NUDCD3: variants seen among roughly 807,000 people sequenced by gnomAD.
The protein encoded by NUDCD3 is NudC domain containing 3, also known as nudC domain-containing protein 3.
In NUDCD3, 13 loss-of-function variants were observed where a neutral mutation model predicts 39.7. The observed-to-expected ratio is 0.33, with a 90% CI of 0.21 to 0.52. The LOEUF (loss-of-function observed/expected upper bound fraction) is 0.52, where lower values mean the gene tolerates loss of function less well. Ranked by LOEUF, NUDCD3 falls within the 20% of genes least tolerant of loss-of-function variation. The pLI, the probability that NUDCD3 is intolerant of heterozygous loss-of-function variation, is 0.96. For synonymous variants in NUDCD3, 175 were observed against 172.4 expected (o/e 1.02, Z -0.12); for missense variants, 453 against 458.1 (o/e 0.99, Z 0.10).
rs181092869 is a variant in NUDCD3 at position 44,412,951 on chromosome 7, A to G, written c.643-8368T>C. On this transcript the variant is annotated intron_variant, in intron 3 of 5. Transcript: ENST00000355451. ...CAAAAAAAAAAAAAAAAGAAAAAAA[A>G]AAAGAAAGAAACCATTGACCATTGG... 9.7e-3 allele frequency among the ~76,000 whole-genome samples: 1,405 copies of G among 144,228 alleles called. 21 individuals carry two copies. Among genetic ancestry groups the G allele is most frequent in the African/African-American group, 0.014 (557 of 40,132 alleles). 94.6% of individuals were successfully genotyped at this position (144,228 alleles called of 152,430 possible).
chr7:44,404,574 C>A lies in NUDCD3; in HGVS notation c.652G>T (p.Ala218Ser). ...ACACGAATGGAGCTGCTGCTAAGGG[C>A]CACTGAGACCTGGGGACACAGCAGA... ...HVVKGKQVSVALSSSSIRVAM... is the reference protein window; with the variant it reads ...HVVKGKQVSVSLSSSSIRVAM... Residue 218 changes from alanine (A) to serine (S), a missense_variant, in exon 4 of 6, where the codon GCC (alanine) becomes TCC (serine). Ala to Ser is a moderately conservative substitution (Grantham distance 99). Coordinates refer to ENST00000355451, the MANE Select transcript of NUDCD3 (RefSeq NM_015332.4). The A allele has an allele frequency of 6.2e-7, 1 of 1,613,736 alleles. No individual in the cohort carries two copies. The highest frequency in any genetic ancestry group is 8.5e-7 in the Non-Finnish European group (1 of 1,179,960).
At chr7:44,476,572 T>C (rs926112914) in intron 2 of NUDCD3, among the ~76,000 whole-genome samples, 1 of 152,212 alleles carries the variant, frequency 6.6e-6, no homozygotes. Flanking sequence ...CTTGGACTTC[T>C]AGCCTCCTAT....
intron 3 of NUDCD3, among the ~76,000 whole-genome samples, chr7:44,419,100 G>A (rs1376205030): frequency 1.3e-5 from 2 of 152,090 alleles, no homozygotes; most frequent in African/African-American, 4.8e-5. Context: ...TCACTCCCCT[G>A]GAAAGGAGGC....
At chr7:44,389,449 C>T (rs936392600) in intron 5 of NUDCD3, among the ~76,000 whole-genome samples, 2 of 152,136 alleles carry the variant, frequency 1.3e-5, no homozygotes, top group African/African-American at 2.4e-5. Context: ...GAGGCCGAGG[C>T]GGGCGGATCA....
intron 2 of NUDCD3, among the ~76,000 whole-genome samples, chr7:44,448,363 G>T (rs1263870324): frequency 6.6e-6 from 1 of 152,230 alleles, no homozygotes; most frequent in Admixed American, 6.5e-5. Flanking sequence ...CAGAGGAGAT[G>T]TGGAGAGTGA....
chr7:44,409,430 T>C (rs1798882186), intron 3 of NUDCD3, among the ~76,000 whole-genome samples: 1 of 152,168 alleles, frequency 6.6e-6, no homozygotes, highest in Non-Finnish European at 1.5e-5. Context: ...ATACAAACTT[T>C]ACAGAATTAG....
chr7:44,414,648 C>T (rs932994954), intron 3 of NUDCD3, among the ~76,000 whole-genome samples: 4 of 152,100 alleles, frequency 2.6e-5, no homozygotes, highest in Admixed American at 1.3e-4. Flanking sequence ...TGTTGTTATA[C>T]AAGTTTTTGC....
intron 3 of NUDCD3, among the ~76,000 whole-genome samples, chr7:44,424,610 A>C (rs1403473929): frequency 1.3e-5 from 2 of 152,228 alleles, no homozygotes; most frequent in Non-Finnish European, 2.9e-5. Context: ...GCCAGTTAGA[A>C]TGGCGATCAT....
chr7:44,404,820 C>T (rs561940463), intron 3 of NUDCD3, among the ~76,000 whole-genome samples: 12 of 152,292 alleles, frequency 7.9e-5, no homozygotes, highest in African/African-American at 2.4e-4. Flanking sequence ...TAACTGGTAA[C>T]GTAAAATGCT....
At chr7:44,477,275 G>C (rs1250973118) in intron 2 of NUDCD3, among the ~76,000 whole-genome samples, 3 of 152,182 alleles carry the variant, frequency 2.0e-5, no homozygotes, top group Non-Finnish European at 2.9e-5. Flanking sequence ...CACACCAACA[G>C]TGTTGGAGCA....
At chr7:44,425,261 T>G (rs985308035) in intron 3 of NUDCD3, among the ~76,000 whole-genome samples, 3 of 152,198 alleles carry the variant, frequency 2.0e-5, no homozygotes, top group Admixed American at 1.3e-4. Context: ...TAAACCTATG[T>G]AACAAACCTG....
intron 2 of NUDCD3, among the ~76,000 whole-genome samples, chr7:44,476,963 A>T (rs1176786622): frequency 6.6e-6 from 1 of 152,194 alleles, no homozygotes; most frequent in Non-Finnish European, 1.5e-5. Flanking sequence ...CCTGATGATG[A>T]TGATGAAGTA....
At chr7:44,454,113 G>A (rs369728926) in intron 2 of NUDCD3, among the ~76,000 whole-genome samples, 4 of 152,324 alleles carry the variant, frequency 2.6e-5, no homozygotes, top group African/African-American at 9.6e-5. Flanking sequence ...GCCGAGGCAG[G>A]CAGATCACGA....
rs111884465 is a variant in NUDCD3, at chr7:44,394,767, G to A, written c.787-2282C>T. Among the ~76,000 whole-genome samples, 1,279 of 152,338 alleles carry A rather than the reference G, an allele frequency of 8.4e-3. 5 individuals are homozygous for A. The highest frequency in any genetic ancestry group is 0.014 in the Non-Finnish European group (950 of 68,030). On this transcript the variant is annotated intron_variant, in intron 4 of 5. Coordinates refer to ENST00000355451, the MANE Select transcript of NUDCD3 (RefSeq NM_015332.4). ...CACTGGGGCTGACAGCCCACCATCA[G>A]CACCATGTGGGCAGGGGGTCGGCCT...
intron 3 of NUDCD3, chr7:44,425,764 G>C (rs1197734916): frequency 6.6e-6 from 1 of 152,132 alleles, no homozygotes; most frequent in Non-Finnish European, 1.5e-5. Flanking sequence ...TACTCAGGAG[G>C]CTAAGGTGGG....
chr7:44,414,904 C>A (rs974932657), intron 3 of NUDCD3, among the ~76,000 whole-genome samples: 1 of 152,138 alleles, frequency 6.6e-6, no homozygotes, highest in African/African-American at 2.4e-5. Flanking sequence ...AATGACACAC[C>A]TAGTGGCTAA....
At chr7:44,396,416 A>G (rs1798625323) in intron 4 of NUDCD3, among the ~76,000 whole-genome samples, 1 of 152,228 alleles carries the variant, frequency 6.6e-6, no homozygotes, top group African/African-American at 2.4e-5. Flanking sequence ...GGATGAGCAT[A>G]TTAGTAAAAA....
At chr7:44,414,217 G>A (rs1798980467) in intron 3 of NUDCD3, among the ~76,000 whole-genome samples, 1 of 152,164 alleles carries the variant, frequency 6.6e-6, no homozygotes, top group African/African-American at 2.4e-5. Flanking sequence ...ATTAACAAGA[G>A]GGTGGTTTAA....
In NUDCD3 at chr7:44,465,792, C is replaced by T. The variant is rs185907777; in HGVS notation, c.509+19176G>A. 1.3e-3 allele frequency among the ~76,000 whole-genome samples: 204 copies of T among 152,132 alleles called. 3 individuals are homozygous for T. Among genetic ancestry groups the T allele is most frequent in the African/African-American group, 4.6e-3 (190 of 41,488 alleles). Reference sequence around the variant, plus strand: ...ACCAAAGTTCTACTATACACCCCACCGTACTTCTCAAATTGTTTTTGATAT... The same window carrying T: ...ACCAAAGTTCTACTATACACCCCACTGTACTTCTCAAATTGTTTTTGATAT... On this transcript the variant is annotated intron_variant, in intron 2 of 5. Coordinates refer to ENST00000355451, the MANE Select transcript of NUDCD3 (RefSeq NM_015332.4).
Sources: allele counts gnomAD v4.1 joint callset (sites outside exome capture counted in the v4.1 genomes callset), GRCh38; gene constraint gnomAD v4.1.1; transcripts MANE v1.5; gene names NCBI Gene and HGNC (gene_info 2026-07-23, HGNC 2026-07-21).